The following PHACTR3 variants were observed in gnomAD, a reference collection of about 807,000 sequenced individuals.
The protein encoded by PHACTR3 is phosphatase and actin regulator 3.
A neutral mutation model predicts 66.8 loss-of-function variants in PHACTR3; 16 were observed. The ratio of observed to expected loss-of-function variants is 0.24; its 90% confidence interval spans 0.16 to 0.36. The LOEUF (loss-of-function observed/expected upper bound fraction) is 0.36. Ranked by LOEUF, PHACTR3 falls within the 10% of genes least tolerant of loss-of-function variation. The probability of loss-of-function intolerance (pLI) is 1.00; values close to 1 mark genes in which losing one functional copy is unlikely to be tolerated. For missense variants in PHACTR3, 647 were observed against 719.9 expected, an observed-to-expected ratio of 0.90 and a Z score of 1.16; for synonymous variants, 323 against 292.1, an observed-to-expected ratio of 1.11 and a Z score of -1.08.
At chr20:59,580,214 G>A (rs2032819708) in intron 1 of PHACTR3, among the ~76,000 whole-genome samples, 1 of 152,154 alleles carries the variant, frequency 6.6e-6, no homozygotes, top group Non-Finnish European at 1.5e-5. Flanking sequence ...CAGTGCAAAT[G>A]CCAAGTTTTG....
At chr20:59,690,323 C>A (rs947962167) in intron 1 of PHACTR3, among the ~76,000 whole-genome samples, 1 of 152,194 alleles carries the variant, frequency 6.6e-6, no homozygotes, top group African/African-American at 2.4e-5. Flanking sequence ...CAGGAAGGCC[C>A]CTTCCAATCT....
intron 7 of PHACTR3, among the ~76,000 whole-genome samples, chr20:59,775,790 T>C (rs78721213): frequency 0.042 from 6,356 of 152,254 alleles, 380 homozygotes; most frequent in African/African-American, 0.14. Flanking sequence ...GAGGGTGCTA[T>C]GAGGGTGCAC....
At chr20:59,797,214 A>G (rs987414045) in intron 7 of PHACTR3, among the ~76,000 whole-genome samples, 25 of 152,116 alleles carry the variant, frequency 1.6e-4, no homozygotes, top group African/African-American at 5.8e-4. Flanking sequence ...TGACTTTCTT[A>G]TTCAGATCAT....
chr20:59,704,243 A>T (rs537870823), intron 1 of PHACTR3, among the ~76,000 whole-genome samples: 2 of 152,160 alleles, frequency 1.3e-5, no homozygotes, highest in African/African-American at 4.8e-5. Context: ...TTTGTTGTCT[A>T]CATTAGACTT....
At chr20:59,585,611 G>A (rs1234307133) in intron 1 of PHACTR3, among the ~76,000 whole-genome samples, 1 of 152,160 alleles carries the variant, frequency 6.6e-6, no homozygotes, top group Non-Finnish European at 1.5e-5. Flanking sequence ...AGTGACTGGC[G>A]CATTTTTGTG....
chr20:59,773,480 C>A (rs775184068), intron 6 of PHACTR3, 27 bp downstream of exon 6: 69 of 1,568,538 alleles, frequency 4.4e-5, no homozygotes, highest in Non-Finnish European at 5.9e-5. Flanking sequence ...TGAGGGAGAC[C>A]TGTGCTGCCA....
At chr20:59,823,389 G>A (rs538687478) in intron 8 of PHACTR3, among the ~76,000 whole-genome samples, 51 of 152,262 alleles carry the variant, frequency 3.3e-4, no homozygotes, top group Admixed American at 7.8e-4. Context: ...ATCAGTCTCT[G>A]GAGGGAGGTA....
chr20:59,698,289 G>C (rs1458163253), intron 1 of PHACTR3, among the ~76,000 whole-genome samples: 1 of 152,060 alleles, frequency 6.6e-6, no homozygotes, highest in African/African-American at 2.4e-5. Context: ...ATGAAAAAAA[G>C]ACTGGATGGA....
At chr20:59,605,614 G>T (rs975138541) in intron 1 of PHACTR3, among the ~76,000 whole-genome samples, 3 of 152,210 alleles carry the variant, frequency 2.0e-5, no homozygotes, top group Admixed American at 2.0e-4. Context: ...ACTCCAGCGG[G>T]GCCTGGCGCA....
intron 1 of PHACTR3, among the ~76,000 whole-genome samples, chr20:59,649,622 A>G (rs966156208): frequency 2.0e-5 from 3 of 152,210 alleles, no homozygotes; most frequent in Non-Finnish European, 4.4e-5. Context: ...AGAAATTCCA[A>G]TTAAGAGCTT....
rs140475609 is a variant in PHACTR3, at chr20:59,579,649, G to C, written c.109+2032G>C. 5.6e-3 allele frequency among the ~76,000 whole-genome samples: 858 copies of C among 152,348 alleles called. 7 individuals are homozygous for C. Among genetic ancestry groups the C allele is most frequent in the African/African-American group, 0.019 (791 of 41,580 alleles). ...AGGCTGAAGAATTGCATGTCCCTCTGTGTCTGAGAGAAAGCTCCTCATGGC... is the reference window on the plus strand; with the variant it reads ...AGGCTGAAGAATTGCATGTCCCTCTCTGTCTGAGAGAAAGCTCCTCATGGC... On this transcript the variant is annotated intron_variant, in intron 1 of 12. Transcript: ENST00000359926.
intron 1 of PHACTR3, among the ~76,000 whole-genome samples, chr20:59,669,009 A>C (rs933702906): frequency 1.3e-5 from 2 of 151,888 alleles, no homozygotes; most frequent in Non-Finnish European, 2.9e-5. Context: ...TGGCCTCCCA[A>C]AGTGTTGGGA....
intron 7 of PHACTR3, among the ~76,000 whole-genome samples, chr20:59,791,704 A>T (rs1477314982): frequency 2.0e-5 from 3 of 150,574 alleles, no homozygotes; most frequent in African/African-American, 7.3e-5. Flanking sequence ...CGTCATTTAC[A>T]TTAGGCATAT....
At chr20:59,800,135 C>T (rs1205502746) in intron 7 of PHACTR3, among the ~76,000 whole-genome samples, 4 of 152,156 alleles carry the variant, frequency 2.6e-5, no homozygotes, top group Non-Finnish European at 5.9e-5. Context: ...GTCCATTCCA[C>T]TCATGTTATA....
At chr20:59,625,597 T>G (rs1461691018) in intron 1 of PHACTR3, among the ~76,000 whole-genome samples, 1 of 152,110 alleles carries the variant, frequency 6.6e-6, no homozygotes, top group Non-Finnish European at 1.5e-5. Flanking sequence ...GCCTTTGGTT[T>G]CTTCTCTTGC....
At chr20:59,739,271 G>A (rs1473881917) in intron 1 of PHACTR3, among the ~76,000 whole-genome samples, 1 of 152,100 alleles carries the variant, frequency 6.6e-6, no homozygotes, top group Admixed American at 6.5e-5. Context: ...ACATTCCTGG[G>A]CTTGTCTTTC....
intron 1 of PHACTR3, among the ~76,000 whole-genome samples, chr20:59,629,485 G>A (rs2146388099): frequency 6.6e-6 from 1 of 152,348 alleles, no homozygotes; most frequent in South Asian, 2.1e-4. Context: ...CTGGAGGTCT[G>A]AGATCAAGGT....
chr20:59,725,207 G>A (rs2077390), intron 1 of PHACTR3, among the ~76,000 whole-genome samples: 10,664 of 147,488 alleles, frequency 0.072, 527 homozygotes, highest in South Asian at 0.12. Context: ...TGTGCTCAGT[G>A]AGGTTGTGAG....
At chr20:59,692,053 T>G (rs2037126139) in intron 1 of PHACTR3, among the ~76,000 whole-genome samples, 1 of 152,246 alleles carries the variant, frequency 6.6e-6, no homozygotes. Context: ...TCCATTTATC[T>G]CTTAGCCTTC....
Sources: gnomAD v4.1 joint callset for allele counts (sites outside exome capture counted in the v4.1 genomes callset) on GRCh38, gnomAD v4.1.1 for gene constraint, MANE v1.5 for transcripts, NCBI Gene and HGNC (gene_info 2026-07-23, HGNC 2026-07-21) for gene names.